APOL3: variants seen among roughly 807,000 people sequenced by gnomAD.
The protein encoded by APOL3 is TNF-inducible protein CG12-1.
A neutral mutation model predicts 11.6 loss-of-function variants in APOL3; 14 were observed. That is an observed-to-expected ratio of 1.21 (90% confidence interval 0.80 to 1.89). The LOEUF is 1.89. Among genes scored for constraint, APOL3 ranks in the 40% most tolerant of loss-of-function variants. The probability of loss-of-function intolerance (pLI) is 0.00; values close to 1 mark genes in which losing one functional copy is unlikely to be tolerated. For synonymous variants in APOL3, 192 were observed against 190.6 expected (o/e 1.01, Z -0.06); for missense variants, 483 against 492.1 (o/e 0.98, Z 0.17).
At chr22:36,158,966 CGTGTGTGTGT>C (rs35041494) in intron 1 of APOL3, among the ~76,000 whole-genome samples, 9 of 150,046 alleles carry the variant, frequency 6.0e-5, no homozygotes, top group African/African-American at 1.7e-4. Flanking sequence ...TGTGAGTGTG[CGTGTGTGTGT>C]GTGTGTGTGT....
At chr22:36,142,988 G>T (rs577786957) in intron 2 of APOL3, among the ~76,000 whole-genome samples, 1 of 152,336 alleles carries the variant, frequency 6.6e-6, no homozygotes, top group East Asian at 1.9e-4. Flanking sequence ...TAGTTGAGCA[G>T]CTTGTTAGGC....
upstream of APOL3, among the ~76,000 whole-genome samples, chr22:36,163,480 AT>A (rs939149076): frequency 5.2e-4 from 79 of 152,064 alleles, no homozygotes; most frequent in Non-Finnish European, 9.1e-4. Flanking sequence ...TCGTTTTGCA[AT>A]TTTTTTTCCT....
chr22:36,158,343 T>C (rs546007978), intron 1 of APOL3, among the ~76,000 whole-genome samples: 1 of 152,254 alleles, frequency 6.6e-6, no homozygotes, highest in Non-Finnish European at 1.5e-5. Flanking sequence ...CTTTACAAAG[T>C]GCCCCCACGT....
At chr22:36,147,001 G>T (rs1326166476) in intron 1 of APOL3, among the ~76,000 whole-genome samples, 3 of 152,070 alleles carry the variant, frequency 2.0e-5, no homozygotes, top group Non-Finnish European at 4.4e-5. Context: ...CACAGAAGGA[G>T]AAATTGAGAC....
At chr22:36,163,380 A>G (rs538648839), upstream of APOL3, among the ~76,000 whole-genome samples, 7 of 152,190 alleles carry the variant, frequency 4.6e-5, no homozygotes, top group South Asian at 2.1e-4. Flanking sequence ...GAACTCCCCA[A>G]ATCGTCCTCG....
chr22:36,146,014 C>A (rs2060201229), intron 1 of APOL3: 1 of 153,204 alleles, frequency 6.5e-6, no homozygotes, highest in Non-Finnish European at 1.4e-5. Context: ...CACACTCACA[C>A]ACACACACAC....
At chr22:36,141,309 G>A in exon 3 of APOL3, 3 of 1,614,130 alleles carry the variant, frequency 1.9e-6, no homozygotes, top group Non-Finnish European at 2.5e-6. Context: ...TGCAGACTTT[G>A]CCCCCTCATG....
At chr22:36,145,342 T>G (rs2060153077) in intron 2 of APOL3, 131 bp downstream of exon 3, 2 of 1,201,980 alleles carry the variant, frequency 1.7e-6, no homozygotes, top group Admixed American at 4.6e-5. Context: ...CCTGGACTGC[T>G]GAGAGGGACA....
intron 1 of APOL3, among the ~76,000 whole-genome samples, chr22:36,150,720 C>G (rs1447052696): frequency 6.6e-6 from 1 of 152,068 alleles, no homozygotes; most frequent in Non-Finnish European, 1.5e-5. Flanking sequence ...AATGCACACA[C>G]ACACACACAC....
chr22:36,163,872 C>T (rs2013794704), upstream of APOL3, among the ~76,000 whole-genome samples: 1 of 152,226 alleles, frequency 6.6e-6, no homozygotes, highest in Admixed American at 6.5e-5. Context: ...TTTAGTGGAC[C>T]TCAAGCCTCT....
rs137871091 is a variant in APOL3, at chr22:36,154,986, T to C, written c.223+5683A>G. On this transcript the variant is annotated intron_variant, in intron 1 of 2. Coordinates refer to ENST00000349314, the Ensembl canonical transcript of APOL3. ...GCCAGAACCCAGATATTCTAACAGG[T>C]TCCTTCTCGCACCCCTTATGGAGGT... 2.2e-3 allele frequency among the ~76,000 whole-genome samples: 332 copies of C among 152,228 alleles called. 2 individuals carry two copies. The highest frequency in any genetic ancestry group is 7.7e-3 in the African/African-American group (321 of 41,542).
chr22:36,160,748 T>C, exon 1 of APOL3: 1 of 1,614,154 alleles, frequency 6.2e-7, no homozygotes, highest in Non-Finnish European at 8.5e-7. Flanking sequence ...GCCGTGCATC[T>C]GCATAATAAC....
intron 1 of APOL3, among the ~76,000 whole-genome samples, chr22:36,148,224 T>A (rs2060288241): frequency 6.6e-6 from 1 of 152,256 alleles, no homozygotes; most frequent in African/African-American, 2.4e-5. Flanking sequence ...GTATTTGAGA[T>A]CATGGGAATG....
chr22:36,150,005 C>T (rs2060372802), intron 1 of APOL3: 2 of 431,644 alleles, frequency 4.6e-6, no homozygotes, highest in Non-Finnish European at 9.3e-6. Flanking sequence ...AAATGTGGAT[C>T]TTGCTTTGTT....
At chr22:36,141,293 A>C in exon 3 of APOL3, 1 of 1,614,110 alleles carries the variant, frequency 6.2e-7, no homozygotes, top group East Asian at 2.2e-5. Context: ...TCAGCTCCTC[A>C]GCAGATGCAG....
intron 1 of APOL3, chr22:36,154,636 C>A (rs1249233350): frequency 2.1e-6 from 1 of 470,984 alleles, no homozygotes; most frequent in South Asian, 1.5e-5. Flanking sequence ...CTCCTATGGA[C>A]AGAAATAATG....
At chr22:36,140,515 T>C (rs1194126847) in exon 3 of APOL3, 1 of 152,296 alleles carries the variant, frequency 6.6e-6, no homozygotes, top group Non-Finnish European at 1.5e-5. Flanking sequence ...TGTTTGGGTT[T>C]TTAGAGACAC....
At chr22:36,151,624 T>C (rs543352008) in intron 1 of APOL3, among the ~76,000 whole-genome samples, 2 of 152,216 alleles carry the variant, frequency 1.3e-5, no homozygotes, top group South Asian at 4.1e-4. Context: ...GAGCTAGATA[T>C]AGAATAAGAA....
At chr22:36,165,863 AATATTAG>A (rs2013847146), upstream of APOL3, 1 of 152,184 alleles carries the variant, frequency 6.6e-6, no homozygotes, top group Non-Finnish European at 1.5e-5. Context: ...TAAAGGGGGA[AATATTAG>A]GTAGTTAAAT....
Sources: gnomAD v4.1 joint callset for allele counts (sites outside exome capture counted in the v4.1 genomes callset) on GRCh38, gnomAD v4.1.1 for gene constraint, MANE v1.5 for transcripts, NCBI Gene and HGNC (gene_info 2026-07-23, HGNC 2026-07-21) for gene names.